LNX1: variants seen among roughly 807,000 people sequenced by gnomAD.
The protein encoded by LNX1 is ligand of numb-protein X 1, also known as E3 ubiquitin-protein ligase LNX.
LNX1 carries 54 observed loss-of-function variants against 68.4 expected under a neutral mutation model. The observed-to-expected ratio is 0.79, with a 90% CI of 0.63 to 0.99. LNX1 has a LOEUF of 0.99. LNX1 is among the 50% of genes least tolerant of loss of function. The pLI, the probability that LNX1 is intolerant of heterozygous loss-of-function variation, is 0.00. For missense variants in LNX1, 906 were observed against 926.4 expected (o/e 0.98, Z 0.29); for synonymous variants, 336 against 350.0 (o/e 0.96, Z 0.45).
chr4:53,572,075 G>A (rs1277833286), intron 2 of LNX1, among the ~76,000 whole-genome samples: 2 of 152,190 alleles, frequency 1.3e-5, no homozygotes, highest in Non-Finnish European at 2.9e-5. Flanking sequence ...TGAGGGTAGA[G>A]GAGCTCTTTC....
intron 1 of LNX1, among the ~76,000 whole-genome samples, chr4:53,644,635 T>C (rs1577828192): frequency 6.6e-6 from 1 of 152,180 alleles, no homozygotes; most frequent in African/African-American, 2.4e-5. Context: ...TCATAGGCTG[T>C]CCTATTCCAG....
At chr4:53,468,349 A>C (rs539192561) in intron 9 of LNX1, among the ~76,000 whole-genome samples, 1 of 152,356 alleles carries the variant, frequency 6.6e-6, no homozygotes, top group Non-Finnish European at 1.5e-5. Flanking sequence ...GAAGCACTAA[A>C]TATGGAAAGG....
chr4:53,543,049 G>T (rs1728869842), intron 2 of LNX1, among the ~76,000 whole-genome samples: 1 of 152,196 alleles, frequency 6.6e-6, no homozygotes, highest in Non-Finnish European at 1.5e-5. Context: ...AAATAGAGAT[G>T]AGGGTCTCAC....
At chr4:53,617,248 C>T (rs1174444477) in exon 1 of LNX1, 2 of 152,104 alleles carry the variant, frequency 1.3e-5, no homozygotes, top group African/African-American at 4.8e-5. Flanking sequence ...GAGACCTCAC[C>T]TTTTGCAGGG....
chr4:53,464,689 G>T (rs900672944), intron 9 of LNX1, among the ~76,000 whole-genome samples: 3 of 152,100 alleles, frequency 2.0e-5, no homozygotes, highest in African/African-American at 7.2e-5. Flanking sequence ...ACTTGCAGAG[G>T]ATAAGGGATA....
At chr4:53,612,261 G>A (rs2109849634) in intron 2 of LNX1, among the ~76,000 whole-genome samples, 1 of 152,254 alleles carries the variant, frequency 6.6e-6, no homozygotes, top group Non-Finnish European at 1.5e-5. Context: ...AGGTAAGGGA[G>A]AACTTTCATA....
chr4:53,590,778 C>T (rs1438962580), intron 1 of LNX1, among the ~76,000 whole-genome samples: 1 of 152,150 alleles, frequency 6.6e-6, no homozygotes, highest in African/African-American at 2.4e-5. Context: ...TCTAAATGCA[C>T]ACTGCAAAGT....
chr4:53,521,063 C>T lies in LNX1; in HGVS notation c.381-12836G>A, dbSNP rs190725515. Among the ~76,000 whole-genome samples the T allele has an allele frequency of 6.4e-4, 97 of 152,224 alleles. 1 individual carries two copies. Among genetic ancestry groups the T allele is most frequent in the Non-Finnish European group, 1.0e-3 (71 of 68,002 alleles). ...TTTGGGAAACTGGGCTATGGATCAA[C>T]GGTGCTTTCTATTTCAGGACTGACT... On this transcript the variant is annotated intron_variant, in intron 2 of 10. Coordinates refer to ENST00000263925, the MANE Select transcript of LNX1 (RefSeq NM_001126328.3).
At chr4:53,527,392 G>C (rs1012785230) in intron 2 of LNX1, among the ~76,000 whole-genome samples, 2 of 152,152 alleles carry the variant, frequency 1.3e-5, no homozygotes, top group Non-Finnish European at 1.5e-5. Flanking sequence ...CTCCCTATAT[G>C]ATGGCTTCAA....
At chr4:53,619,057 T>C (rs753542748), upstream of LNX1, among the ~76,000 whole-genome samples, 6 of 152,166 alleles carry the variant, frequency 3.9e-5, no homozygotes, top group Non-Finnish European at 7.3e-5. Flanking sequence ...GACCTCACTT[T>C]AGTCACATTT....
chr4:53,619,885 C>A (rs1284982263), upstream of LNX1, among the ~76,000 whole-genome samples: 1 of 152,194 alleles, frequency 6.6e-6, no homozygotes, highest in Non-Finnish European at 1.5e-5. Context: ...GTTATTATGT[C>A]TCTTTTTAAT....
At chr4:53,618,137 C>T (rs1331960459), upstream of LNX1, among the ~76,000 whole-genome samples, 8 of 152,122 alleles carry the variant, frequency 5.3e-5, no homozygotes, top group Non-Finnish European at 1.0e-4. Flanking sequence ...ACAAATTGCC[C>T]TTAACTACTT....
chr4:53,481,643 T>G lies in LNX1; in HGVS notation c.1485+77A>C. 15 of 1,504,086 alleles carry G rather than the reference T, an allele frequency of 1.0e-5. No individual in the cohort carries two copies. The South Asian group carries it at 1.9e-4, about 19-fold the overall frequency. 93.2% of individuals were successfully genotyped at this position (1,504,086 alleles called of 1,614,324 possible). A position where few individuals can be genotyped will look rare whatever the true frequency, so the allele number is the denominator to read the frequency against. ...AAGTAAAAAAGTCCAGAGATGACACTTAGACATGTTAAAACAAGCAGCCTT... is the reference window on the plus strand; with the variant it reads ...AAGTAAAAAAGTCCAGAGATGACACGTAGACATGTTAAAACAAGCAGCCTT... On this transcript the variant is annotated intron_variant, in intron 7 of 10. Coordinates refer to ENST00000263925, the MANE Select transcript of LNX1 (RefSeq NM_001126328.3).
At chr4:53,605,318 A>G (rs1047871874) in intron 2 of LNX1, among the ~76,000 whole-genome samples, 10 of 152,218 alleles carry the variant, frequency 6.6e-5, no homozygotes, top group African/African-American at 1.7e-4. Context: ...ACATTGTACA[A>G]ATTTAAGGTG....
chr4:53,586,238 A>G (rs902289056), intron 1 of LNX1, among the ~76,000 whole-genome samples: 1 of 152,174 alleles, frequency 6.6e-6, no homozygotes, highest in African/African-American at 2.4e-5. Flanking sequence ...CTGAAAACAC[A>G]TGGTGACTCA....
intron 2 of LNX1, among the ~76,000 whole-genome samples, chr4:53,561,366 T>C (rs917116239): frequency 4.0e-4 from 61 of 152,132 alleles, no homozygotes; most frequent in African/African-American, 1.3e-3. Context: ...TAGCTGGGAC[T>C]ACAGGCATGC....
chr4:53,561,468 C>T (rs151278706), intron 2 of LNX1, among the ~76,000 whole-genome samples: 27 of 152,214 alleles, frequency 1.8e-4, no homozygotes, highest in African/African-American at 5.8e-4. Flanking sequence ...TCTCATGATC[C>T]GCCCACGTCA....
chr4:53,651,772 G>A (rs1577834638), intron 1 of LNX1, among the ~76,000 whole-genome samples: 1 of 152,152 alleles, frequency 6.6e-6, no homozygotes, highest in South Asian at 2.1e-4. Context: ...GTGTGTGAAT[G>A]TGTTTTAAAT....
chr4:53,508,199 T>C lies in LNX1; in HGVS notation c.409A>G (p.Thr137Ala). ...TGTGAGCGCCTCTTCCTATCTTTGGTCAGGCCGTAGTGGGAGGCACCTTTA... is the reference window on the plus strand; with the variant it reads ...TGTGAGCGCCTCTTCCTATCTTTGGCCAGGCCGTAGTGGGAGGCACCTTTA... ...SCKGASHYGL[T>A]KDRKRRSQDG... Residue 137 changes from threonine to alanine, a missense_variant, in exon 3 of 11, where the codon ACC (threonine) becomes GCC (alanine). Coordinates refer to ENST00000263925, the MANE Select transcript of LNX1 (RefSeq NM_001126328.3). 6.2e-7 allele frequency: 1 copy of C among 1,614,144 alleles called. No individual in the cohort carries two copies. The highest frequency in any genetic ancestry group is 1.1e-5 in the South Asian group (1 of 91,076).
Sources: gnomAD v4.1 joint callset for allele counts (sites outside exome capture counted in the v4.1 genomes callset) on GRCh38, gnomAD v4.1.1 for gene constraint, MANE v1.5 for transcripts, NCBI Gene and HGNC (gene_info 2026-07-23, HGNC 2026-07-21) for gene names.